Variants in CCDC6 observed in about 807,000 individuals in gnomAD.
The protein encoded by CCDC6 is coiled-coil domain-containing protein 6.
CCDC6 carries 20 observed loss-of-function variants against 56.6 expected under a neutral mutation model. That is an observed-to-expected ratio of 0.35 (90% CI 0.25 to 0.51). CCDC6 has a LOEUF of 0.51. CCDC6 is among the 20% of genes least tolerant of loss of function. CCDC6 has a pLI of 0.95. For missense variants in CCDC6, 367 were observed against 601.1 expected (o/e 0.61, Z 4.07); for synonymous variants, 241 against 234.4 (o/e 1.03, Z -0.26).
At chr10:59,833,642 G>GC (rs2070852816) in intron 2 of CCDC6, among the ~76,000 whole-genome samples, 1 of 77,922 alleles carries the variant, frequency 1.3e-5, no homozygotes, top group Admixed American at 1.2e-4. Flanking sequence ...CTCTCAACTG[G>GC]GGGGGGGGGG....
At chr10:59,808,703 C>G (rs954682738) in intron 5 of CCDC6, among the ~76,000 whole-genome samples, 12 of 152,176 alleles carry the variant, frequency 7.9e-5, no homozygotes, top group Admixed American at 5.9e-4. Context: ...GAGCTGAATG[C>G]CACAATGAGC....
At chr10:59,822,454 G>A (rs971264517) in intron 3 of CCDC6, among the ~76,000 whole-genome samples, 3 of 152,190 alleles carry the variant, frequency 2.0e-5, no homozygotes, top group Admixed American at 6.5e-5. Context: ...GATAATTGCC[G>A]TTTAGGGAAA....
At chr10:59,835,136 GT>G (rs1480636299) in intron 2 of CCDC6, among the ~76,000 whole-genome samples, 1 of 152,170 alleles carries the variant, frequency 6.6e-6, no homozygotes, top group African/African-American at 2.4e-5. Context: ...TAGTAGCTAT[GT>G]TTTCCTCCAA....
intron 1 of CCDC6, among the ~76,000 whole-genome samples, chr10:59,876,744 A>T (rs1429193583): frequency 1.3e-5 from 2 of 152,246 alleles, no homozygotes; most frequent in African/African-American, 4.8e-5. Context: ...ATTAAAAAAA[A>T]TTACAAGCTG....
At position 59,792,163 on chromosome 10, in the gene CCDC6, G is replaced by A. The variant is rs2070473680; in HGVS notation, c.*754C>T. 3 of 235,206 alleles carry A rather than the reference G, an allele frequency of 1.3e-5. No individual in the cohort carries two copies. The highest frequency in any genetic ancestry group is 6.2e-5 in the East Asian group (1 of 16,096). The allele number at this position is 235,206 out of a possible 1,614,324, so 14.6% of individuals were successfully genotyped here. A position where few individuals can be genotyped will look rare whatever the true frequency, so the allele number is the denominator to read the frequency against. ...ACCGGTGAGTAGGACAACATTTATC[G>A]ACTCATGTTAGAGGGGGCCAGGTTA... is the stretch of plus-strand genomic sequence containing the variant. On this transcript the variant is annotated 3_prime_UTR_variant, in exon 9 of 9. Coordinates refer to ENST00000263102, the MANE Select transcript of CCDC6 (RefSeq NM_005436.5).
At chr10:59,807,661 A>G (rs1589036274) in intron 5 of CCDC6, among the ~76,000 whole-genome samples, 1 of 152,324 alleles carries the variant, frequency 6.6e-6, no homozygotes, top group Non-Finnish European at 1.5e-5. Flanking sequence ...TTGCATTCTA[A>G]AGTGCTTTAA....
intron 1 of CCDC6, among the ~76,000 whole-genome samples, chr10:59,901,361 A>C (rs915357361): frequency 3.3e-5 from 5 of 152,234 alleles, no homozygotes; most frequent in African/African-American, 1.2e-4. Flanking sequence ...GTCTGACAAA[A>C]GTCTTAAAAA....
intron 1 of CCDC6, among the ~76,000 whole-genome samples, chr10:59,857,646 G>C (rs758765525): frequency 5.3e-5 from 8 of 151,968 alleles, no homozygotes; most frequent in Non-Finnish European, 1.2e-4. Flanking sequence ...GAAAGTTCAA[G>C]TGCCTACCAA....
chr10:59,804,360 G>A, intron 7 of CCDC6, 60 bp downstream of exon 7: 1 of 932,190 alleles, frequency 1.1e-6, no homozygotes, highest in South Asian at 1.3e-5. Flanking sequence ...AACACAGTCA[G>A]GGTTGCCTAT....
At chr10:59,838,334 G>A (rs2070904198) in intron 2 of CCDC6, among the ~76,000 whole-genome samples, 1 of 151,976 alleles carries the variant, frequency 6.6e-6, no homozygotes, top group African/African-American at 2.4e-5. Flanking sequence ...ACCTCCTACT[G>A]GATCTCCCCA....
At chr10:59,882,590 C>G (rs144673760) in intron 1 of CCDC6, among the ~76,000 whole-genome samples, 640 of 11,244 alleles carry the variant, frequency 0.057, 2 homozygotes, top group Middle Eastern at 0.3. Flanking sequence ...AGGAAAGCCG[C>G]GGGGAGAAGG....
Position 59,792,793 on chromosome 10 carries a change from G to A in CCDC6, c.*124C>T. Reference sequence around the variant, plus strand: ...AAACATTTACAACACAATGGATAGTGAAGCCTAGATAACCTCAGTGCAAAT... The same window carrying A: ...AAACATTTACAACACAATGGATAGTAAAGCCTAGATAACCTCAGTGCAAAT... On this transcript the variant is annotated 3_prime_UTR_variant, in exon 9 of 9. Transcript: ENST00000263102. 1.0e-6 allele frequency: 1 copy of A among 979,466 alleles called. No individual in the cohort carries two copies. The highest frequency in any genetic ancestry group is 1.3e-5 in the South Asian group (1 of 78,146). 60.7% of individuals were successfully genotyped at this position (979,466 alleles called of 1,614,324 possible).
chr10:59,881,309 G>GTGTC (rs1345713310), intron 1 of CCDC6, among the ~76,000 whole-genome samples: 1 of 152,038 alleles, frequency 6.6e-6, no homozygotes, highest in Non-Finnish European at 1.5e-5. Context: ...AGAGTGTGAT[G>GTGTC]TGTCCTGTAA....
chr10:59,841,944 G>T (rs1044626159), intron 2 of CCDC6, among the ~76,000 whole-genome samples: 1 of 152,046 alleles, frequency 6.6e-6, no homozygotes, highest in African/African-American at 2.4e-5. Flanking sequence ...AGGATTACAG[G>T]TGTGAGCCAC....
At chr10:59,877,193 C>T (rs1450549830) in intron 1 of CCDC6, among the ~76,000 whole-genome samples, 1 of 152,202 alleles carries the variant, frequency 6.6e-6, no homozygotes. Flanking sequence ...CAAAATTCTG[C>T]TCATTCACGA....
At chr10:59,890,871 T>A (rs908985578) in intron 1 of CCDC6, among the ~76,000 whole-genome samples, 22 of 152,234 alleles carry the variant, frequency 1.4e-4, no homozygotes, top group African/African-American at 4.3e-4. Flanking sequence ...CCTAATGCTA[T>A]CCCTCCCTCC....
rs1589029920 is a variant in CCDC6 at position 59,789,830 on chromosome 10, G to A, written c.*3087C>T. ...AGTTCATGTCTACCTAACAAAGGGT[G>A]ATACATGTTCTATTTTCCTACAAGT... On this transcript the variant is annotated 3_prime_UTR_variant, in exon 9 of 9. Transcript: ENST00000263102. 1 of 219,162 alleles carries A rather than the reference G, an allele frequency of 4.6e-6. No homozygotes were observed. The highest frequency in any genetic ancestry group is 9.2e-6 in the Non-Finnish European group (1 of 108,938). 13.6% of individuals were successfully genotyped at this position (219,162 alleles called of 1,614,324 possible).
chr10:59,820,743 G>A (rs1421374260), intron 3 of CCDC6, among the ~76,000 whole-genome samples: 1 of 149,606 alleles, frequency 6.7e-6, no homozygotes, highest in East Asian at 1.9e-4. Flanking sequence ...GCAAGACTCT[G>A]TCTCAAAAAA....
rs768784542 is a variant in CCDC6, at chr10:59,906,320, A to ACCG, written c.102_104dup (p.Gly44dup). On this transcript the variant is annotated inframe_insertion, in exon 1 of 9. Transcript: ENST00000263102. The stretch of plus-strand genomic sequence containing the variant: ...CACCGCCGCCGCCTCCCCCGCCGCC[A>ACCG]CCGCCGCCGCCCGAGGTCGACGAGC... The ACCG allele has an allele frequency of 4.4e-6, 7 of 1,600,168 alleles. No homozygotes were observed. The highest frequency in any genetic ancestry group is 4.5e-5 in the East Asian group (2 of 44,748).
Sources: gnomAD v4.1 joint callset for allele counts (sites outside exome capture counted in the v4.1 genomes callset) on GRCh38, gnomAD v4.1.1 for gene constraint, MANE v1.5 for transcripts, NCBI Gene and HGNC (gene_info 2026-07-23, HGNC 2026-07-21) for gene names.